The following POU6F2 variants were observed in gnomAD, a reference collection of about 807,000 sequenced individuals.
The protein encoded by POU6F2 is POU class 6 homeobox 2, also known as POU domain, class 6, transcription factor 2.
In POU6F2, 31 loss-of-function variants were observed where a neutral mutation model predicts 71.3. The ratio of observed to expected loss-of-function variants is 0.43; its 90% CI spans 0.33 to 0.59. POU6F2 has a LOEUF of 0.59. Ranked by LOEUF, POU6F2 falls within the 20% of genes least tolerant of loss-of-function variation. The probability of loss-of-function intolerance (pLI) is 0.04; values close to 1 mark genes in which losing one functional copy is unlikely to be tolerated. For missense variants in POU6F2, 783 were observed against 856.8 expected (o/e 0.91, Z 1.07); for synonymous variants, 347 against 355.7 (o/e 0.98, Z 0.27).
At chr7:39,098,017 G>A (rs969844906) in intron 2 of POU6F2, among the ~76,000 whole-genome samples, 1 of 152,164 alleles carries the variant, frequency 6.6e-6, no homozygotes, top group Non-Finnish European at 1.5e-5. Flanking sequence ...AATGACATTA[G>A]CAATGTTTTC....
At chr7:39,100,760 T>C (rs1296836447) in intron 2 of POU6F2, among the ~76,000 whole-genome samples, 1 of 152,172 alleles carries the variant, frequency 6.6e-6, no homozygotes, top group Non-Finnish European at 1.5e-5. Context: ...TATCGCCCCT[T>C]AGATGTCCCA....
chr7:39,341,949 C>T (rs1785927237), intron 5 of POU6F2, among the ~76,000 whole-genome samples: 2 of 152,184 alleles, frequency 1.3e-5, no homozygotes, highest in African/African-American at 2.4e-5. Flanking sequence ...AATCCCAGGG[C>T]TGTTTGTTTT....
intron 6 of POU6F2, among the ~76,000 whole-genome samples, chr7:39,430,894 C>T (rs994066894): frequency 1.3e-5 from 2 of 152,154 alleles, no homozygotes; most frequent in African/African-American, 4.8e-5. Flanking sequence ...GGGTCAGTGG[C>T]TGAGTTTTCA....
intron 4 of POU6F2, among the ~76,000 whole-genome samples, chr7:39,298,800 A>G (rs184125853): frequency 6.6e-6 from 1 of 152,368 alleles, no homozygotes; most frequent in East Asian, 1.9e-4. Context: ...TGTGGTACAT[A>G]TACACCGTGG....
At chr7:39,130,134 A>C (rs1289686438) in intron 2 of POU6F2, among the ~76,000 whole-genome samples, 1 of 116,772 alleles carries the variant, frequency 8.6e-6, no homozygotes. Context: ...TTTTTAAAGT[A>C]AAGAAAGGGG....
At chr7:39,134,290 C>T (rs1280182104) in intron 2 of POU6F2, among the ~76,000 whole-genome samples, 1 of 152,124 alleles carries the variant, frequency 6.6e-6, no homozygotes, top group East Asian at 1.9e-4. Flanking sequence ...ATGAGAATCA[C>T]CTGGTAGGCT....
chr7:39,350,882 A>G (rs1163128503), intron 5 of POU6F2, among the ~76,000 whole-genome samples: 1 of 152,216 alleles, frequency 6.6e-6, no homozygotes, highest in Non-Finnish European at 1.5e-5. Context: ...GCGCTCCTAC[A>G]GCCATATTTT....
chr7:39,022,691 CT>C (rs1300883054), intron 1 of POU6F2, among the ~76,000 whole-genome samples: 11 of 152,208 alleles, frequency 7.2e-5, no homozygotes, highest in Non-Finnish European at 1.3e-4. Context: ...TGTATTGGGA[CT>C]TTCCCCCGCT....
At chr7:39,003,208 G>A (rs368830117) in intron 1 of POU6F2, among the ~76,000 whole-genome samples, 11 of 151,788 alleles carry the variant, frequency 7.2e-5, no homozygotes, top group African/African-American at 2.7e-4. Context: ...ATACTAAAAT[G>A]TTAATCTCTT....
intron 4 of POU6F2, among the ~76,000 whole-genome samples, chr7:39,257,769 C>G (rs746083988): frequency 2.0e-5 from 3 of 152,018 alleles, no homozygotes; most frequent in African/African-American, 4.8e-5. Flanking sequence ...ACAAATTCCA[C>G]CGAGAAAACC....
chr7:38,981,243 T>C (rs544659629), intron 1 of POU6F2, among the ~76,000 whole-genome samples: 1 of 152,358 alleles, frequency 6.6e-6, no homozygotes, highest in Admixed American at 6.5e-5. Context: ...TGCATTTCCA[T>C]CTCTTATGGC....
At chr7:39,261,945 C>T (rs1377181703) in intron 4 of POU6F2, among the ~76,000 whole-genome samples, 1 of 152,014 alleles carries the variant, frequency 6.6e-6, no homozygotes, top group Non-Finnish European at 1.5e-5. Context: ...GATTTTAGGC[C>T]TGTGGGAATC....
chr7:39,457,088 A>T (rs1050724589), intron 8 of POU6F2, among the ~76,000 whole-genome samples: 1 of 152,250 alleles, frequency 6.6e-6, no homozygotes, highest in Non-Finnish European at 1.5e-5. Flanking sequence ...AGCCTGCACG[A>T]TCACACATAC....
intron 1 of POU6F2, among the ~76,000 whole-genome samples, chr7:38,985,122 C>A (rs1340406245): frequency 6.6e-6 from 1 of 152,098 alleles, no homozygotes; most frequent in Non-Finnish European, 1.5e-5. Context: ...TTCTTCAGTT[C>A]TTTTCCTCCA....
intron 1 of POU6F2, among the ~76,000 whole-genome samples, chr7:39,064,203 T>C (rs1341304116): frequency 1.3e-5 from 2 of 152,022 alleles, no homozygotes; most frequent in Non-Finnish European, 2.9e-5. Flanking sequence ...ATTTTTATAA[T>C]AATAGTAAAT....
intron 5 of POU6F2, among the ~76,000 whole-genome samples, chr7:39,358,812 T>G (rs1786315866): frequency 6.7e-6 from 1 of 150,090 alleles, no homozygotes; most frequent in Non-Finnish European, 1.5e-5. Flanking sequence ...TGTCAGACTC[T>G]GAGATCCTCT....
rs1789084412 is a variant in POU6F2, at chr7:39,006,783, C to T, written c.105+28725C>T. The T allele has an allele frequency of 6.0e-6, 9 of 1,502,758 alleles. No individual in the cohort carries two copies. The African/African-American group carries it at 8.2e-5, about 14-fold the overall frequency. The allele number at this position is 1,502,758 out of a possible 1,614,324, so 93.1% of individuals were successfully genotyped here. A position where few individuals can be genotyped will look rare whatever the true frequency, so the allele number is the denominator to read the frequency against. On this transcript the variant is annotated intron_variant, in intron 1 of 9. Coordinates refer to ENST00000518318, the MANE Select transcript of POU6F2 (RefSeq NM_001370959.1). The stretch of plus-strand genomic sequence containing the variant: ...CATGAACTCTCTTGGGTTGTGTTAC[C>T]CTGTTTGCTGTTTACTGTCAAGATG...
At chr7:39,417,341 T>C (rs1335593531) in intron 6 of POU6F2, among the ~76,000 whole-genome samples, 2 of 152,064 alleles carry the variant, frequency 1.3e-5, no homozygotes, top group African/African-American at 4.8e-5. Flanking sequence ...AAATGAGAAA[T>C]AAATCAGAGT....
rs887391817 is a variant in POU6F2, at chr7:39,389,104, A to G, written c.973-17496A>G. 1.2e-4 allele frequency among the ~76,000 whole-genome samples: 18 copies of G among 152,350 alleles called. No individual in the cohort carries two copies. The South Asian group carries it at 2.7e-3, about 23-fold the overall frequency. On this transcript the variant is annotated intron_variant, in intron 5 of 9. Coordinates refer to ENST00000518318, the MANE Select transcript of POU6F2 (RefSeq NM_001370959.1). ...GGTCATAGTGTTACTAGCAATGGCC[A>G]TAAGAAACACAAGTAGTGTCATTCA...
Sources: gnomAD v4.1 joint callset for allele counts (sites outside exome capture counted in the v4.1 genomes callset) on GRCh38, gnomAD v4.1.1 for gene constraint, MANE v1.5 for transcripts, NCBI Gene and HGNC (gene_info 2026-07-23, HGNC 2026-07-21) for gene names.